The following ANKS3 variants were observed in gnomAD, a reference collection of about 807,000 sequenced individuals.
ANKS3 encodes the protein ankyrin repeat and sterile alpha motif domain containing 3, also known as ankyrin repeat and SAM domain-containing protein 3.
ANKS3 carries 62 observed loss-of-function variants against 80.7 expected under a neutral mutation model. That is an observed-to-expected ratio of 0.77 (90% CI 0.63 to 0.95). The LOEUF is 0.95. ANKS3 is among the 40% of genes least tolerant of loss of function. The pLI, the probability that ANKS3 is intolerant of heterozygous loss-of-function variation, is 0.00. For missense variants in ANKS3, 1,150 were observed against 883.6 expected (o/e 1.30, Z -3.82); for synonymous variants, 489 against 355.3 (o/e 1.38, Z -4.23).
At chr16:4,708,790 T>C (rs1220663412) in intron 7 of ANKS3, among the ~76,000 whole-genome samples, 3 of 150,362 alleles carry the variant, frequency 2.0e-5, no homozygotes, top group Non-Finnish European at 4.4e-5. Context: ...AAAAAAAAAT[T>C]AGCCAGGTGT....
intron 1 of ANKS3, 32 bp from the exon 2 acceptor site, chr16:4,731,611 G>A: frequency 1.1e-6 from 1 of 917,260 alleles, no homozygotes; most frequent in Non-Finnish European, 1.3e-6. Flanking sequence ...TAATTTTTCT[G>A]GAATGGTTAT....
Position 4,714,085 on chromosome 16 carries a change from C to G in ANKS3, c.675G>C (p.Ser225=), listed in dbSNP as rs140504631. 40 of 1,614,008 alleles carry G rather than the reference C, an allele frequency of 2.5e-5. No homozygotes were observed. Among genetic ancestry groups the G allele is most frequent in the East Asian group, 4.5e-5 (2 of 44,892 alleles). The part of the protein sequence containing the change: ...MKIVALMDTY[S]PSLPKSLYRS... ...GATAGAGGCTCTTGGGCAGAGAGGG[C>G]GAGTAAGTGTCCATCAAGGCCACGA... The change falls in exon 7 of 18, where the codon TCG becomes TCC. Residue 225 remains serine (S), a synonymous_variant. Transcript: ENST00000304283.
chr16:4,707,304 CAG>C (rs970072827), intron 7 of ANKS3, among the ~76,000 whole-genome samples: 6 of 107,122 alleles, frequency 5.6e-5, no homozygotes, highest in East Asian at 5.9e-4. Flanking sequence ...TTTTTTGAAA[CAG>C]AGTTTCACTC....
intron 6 of ANKS3, among the ~76,000 whole-genome samples, chr16:4,724,453 T>C (rs1281924397): frequency 6.6e-6 from 1 of 152,250 alleles, no homozygotes; most frequent in Non-Finnish European, 1.5e-5. Context: ...TTATTCTATA[T>C]AATTTTTCTA....
At chr16:4,724,173 G>T (rs1596444902) in intron 6 of ANKS3, among the ~76,000 whole-genome samples, 1 of 152,206 alleles carries the variant, frequency 6.6e-6, no homozygotes, top group South Asian at 2.1e-4. Flanking sequence ...ATTGCAAAAT[G>T]TTAAAAACTA....
At chr16:4,733,446 C>T (rs986223026) in intron 1 of ANKS3, among the ~76,000 whole-genome samples, 3 of 151,916 alleles carry the variant, frequency 2.0e-5, no homozygotes, top group Non-Finnish European at 4.4e-5. Context: ...TATGAGCCAC[C>T]ATGCCAGCCT....
chr16:4,714,183 C>T lies in ANKS3; in HGVS notation c.577G>A (p.Val193Ile). Residue 193 changes from valine (V) to isoleucine (I), a missense_variant, in exon 7 of 18, where the codon GTC becomes ATC. Val to Ile is a conservative substitution (Grantham distance 29, BLOSUM62 3). Coordinates refer to ENST00000304283, the MANE Select transcript of ANKS3 (RefSeq NM_133450.4). ...IIVQYFLNHG[V>I]KVDARDHSGA... ...CTGTGGTCTCTCGCGTCCACCTTGA[C>T]TCCCTGTGAATGTCCGTGAAAGGGG... 1 of 1,614,064 alleles carries T rather than the reference C, an allele frequency of 6.2e-7. No homozygotes were observed.
chr16:4,727,847 A>G (rs1018948097), intron 3 of ANKS3: 1 of 153,322 alleles, frequency 6.5e-6, no homozygotes, highest in Non-Finnish European at 1.5e-5. Flanking sequence ...TTCCCATGGG[A>G]AAAAACTGTG....
intron 6 of ANKS3, among the ~76,000 whole-genome samples, chr16:4,723,920 G>T (rs2081229837): frequency 6.6e-6 from 1 of 151,984 alleles, no homozygotes. Context: ...ATTAGCCGGG[G>T]CATGGTAGCA....
rs773772036 is a variant in ANKS3 at position 4,700,785 on chromosome 16, C to A, written c.1284+185G>T. 6 of 828,684 alleles carry A rather than the reference C, an allele frequency of 7.2e-6. No homozygotes were observed. In the Admixed American group the frequency reaches 8.6e-5, roughly 12 times the overall value. The allele number at this position is 828,684 out of a possible 1,614,324, so 51.3% of individuals were successfully genotyped here. On this transcript the variant is annotated intron_variant, in intron 11 of 17. Coordinates refer to ENST00000304283, the MANE Select transcript of ANKS3 (RefSeq NM_133450.4). Reference sequence around the variant, plus strand: ...TCCGTGGAGAGGAACAGAGTAGAAGCGCTGCAGCGGGGCTGCCAGCCATGG... The same window carrying A: ...TCCGTGGAGAGGAACAGAGTAGAAGAGCTGCAGCGGGGCTGCCAGCCATGG...
chr16:4,698,083 T>C, intron 14 of ANKS3, 21 bp from the exon 15 acceptor site: 7 of 1,592,206 alleles, frequency 4.4e-6, no homozygotes, highest in Non-Finnish European at 6.0e-6. Flanking sequence ...CAGAAACAAA[T>C]ATTGGTGAGA....
chr16:4,701,073 T>TTGGTCTTCA lies in ANKS3; in HGVS notation c.1172_1180dup (p.Met391_Thr393dup). 6.2e-7 allele frequency: 1 copy of TTGGTCTTCA among 1,614,122 alleles called. No homozygotes were observed. The highest frequency in any genetic ancestry group is 8.5e-7 in the Non-Finnish European group (1 of 1,180,040). On this transcript the variant is annotated inframe_insertion, in exon 11 of 18. Coordinates refer to ENST00000304283, the MANE Select transcript of ANKS3 (RefSeq NM_133450.4). Reference sequence around the variant, plus strand: ...GGGAGGCCACTGGCTGTCAGGATTCTTGGTCTTCATGTAACTTTTAGCTTG... The same window carrying TTGGTCTTCA: ...GGGAGGCCACTGGCTGTCAGGATTCTTGGTCTTCATGGTCTTCATGTAACTTTTAGCTTG...
rs1596358112 is a variant in ANKS3, at chr16:4,702,362, G to C, written c.869-120C>G. 8.5e-6 allele frequency: 9 copies of C among 1,056,534 alleles called. No homozygotes were observed. In the African/African-American group the frequency reaches 1.5e-4, roughly 18 times the overall value. The allele number at this position is 1,056,534 out of a possible 1,614,324, so 65.4% of individuals were successfully genotyped here. On this transcript the variant is annotated intron_variant, in intron 8 of 17. Coordinates refer to ENST00000304283, the MANE Select transcript of ANKS3 (RefSeq NM_133450.4). ...CATGACCTCACCTACTTGCCCCTGC[G>C]ACCTGGCATGGCTCTATCTGTGGTG...
chr16:4,702,745 A>G (rs13332079), intron 8 of ANKS3, among the ~76,000 whole-genome samples: 6,481 of 152,068 alleles, frequency 0.043, 453 homozygotes, highest in African/African-American at 0.15. Flanking sequence ...ATTAACAACA[A>G]TAATATGAAA....
chr16:4,728,166 C>T (rs924913580), intron 3 of ANKS3: 1 of 152,290 alleles, frequency 6.6e-6, no homozygotes, highest in African/African-American at 2.4e-5. Flanking sequence ...CTGCCTCAGC[C>T]TCCCAAGTAG....
chr16:4,698,067 C>T lies in ANKS3; in HGVS notation c.1725-5G>A. 2 of 1,604,194 alleles carry T rather than the reference C, an allele frequency of 1.2e-6. No individual in the cohort carries two copies. The highest frequency in any genetic ancestry group is 1.7e-6 in the Non-Finnish European group (2 of 1,176,112). On this transcript the variant is annotated splice_region_variant and splice_polypyrimidine_tract_variant and intron_variant, in intron 14 of 17. Coordinates refer to ENST00000304283, the MANE Select transcript of ANKS3 (RefSeq NM_133450.4). ...GACAGCTCAGCTTGACAGGCTCTGC[C>T]AGACACAGAAACAAATATTGGTGAG...
intron 8 of ANKS3, among the ~76,000 whole-genome samples, chr16:4,702,444 G>C (rs1418092973): frequency 2.6e-5 from 4 of 152,226 alleles, no homozygotes; most frequent in African/African-American, 9.6e-5. Context: ...GTGCCTGGTG[G>C]GGCGAGGGCT....
chr16:4,697,112 A>G lies in ANKS3; in HGVS notation c.1895-8T>C. 6.2e-7 allele frequency: 1 copy of G among 1,613,016 alleles called. No homozygotes were observed. Among genetic ancestry groups the G allele is most frequent in the South Asian group, 1.1e-5 (1 of 90,928 alleles). ...CTAAGCACAGTGCTTGCCCTGAGGA[A>G]TGATGACCTTGAGCCTCTCCCGGCC... On this transcript the variant is annotated splice_polypyrimidine_tract_variant and splice_region_variant and intron_variant, in intron 16 of 17. Coordinates refer to ENST00000304283, the MANE Select transcript of ANKS3 (RefSeq NM_133450.4).
chr16:4,720,161 C>CAAAAAA (rs34135519), intron 6 of ANKS3, among the ~76,000 whole-genome samples: 1 of 61,060 alleles, frequency 1.6e-5, no homozygotes, highest in Non-Finnish European at 3.2e-5. Flanking sequence ...GACCCCACCC[C>CAAAAAA]AAAAAAAAAA....
Sources: gnomAD v4.1 joint callset for allele counts (sites outside exome capture counted in the v4.1 genomes callset) on GRCh38, gnomAD v4.1.1 for gene constraint, MANE v1.5 for transcripts, NCBI Gene and HGNC (gene_info 2026-07-23, HGNC 2026-07-21) for gene names.